Variants in NAB1 observed in about 807,000 individuals in gnomAD.
The protein encoded by NAB1 is NGFI-A binding protein 1.
NAB1 carries 25 observed loss-of-function variants against 49.9 expected under a neutral mutation model. That is an observed-to-expected ratio of 0.50 (90% confidence interval 0.37 to 0.70). NAB1 has a LOEUF of 0.70. Among genes scored for constraint, NAB1 ranks in the 30% least tolerant of loss-of-function variants. The pLI is 0.00. For synonymous variants in NAB1, 198 were observed against 215.6 expected, an observed-to-expected ratio of 0.92 and a Z score of 0.71; for missense variants, 489 against 575.9, an observed-to-expected ratio of 0.85 and a Z score of 1.54.
rs1388769820 is a variant in NAB1 at position 190,657,857 on chromosome 2, A to G, written c.-19-1301A>G. The stretch of plus-strand genomic sequence containing the variant: ...CAGTTAACTATTGCTGCATACTGTC[A>G]GAGTTGAGAGTGGGTCTTCCATTTT... On this transcript the variant is annotated intron_variant, in intron 3 of 9. Transcript: ENST00000337386. The surrounding 1 kb of genome is among the most constrained non-coding windows in gnomAD (Gnocchi z 4.4). Among the ~76,000 whole-genome samples, 4 of 152,234 alleles carry G rather than the reference A, an allele frequency of 2.6e-5. No homozygotes were observed. Among genetic ancestry groups the G allele is most frequent in the Non-Finnish European group, 4.4e-5 (3 of 68,038 alleles).
Position 190,651,269 on chromosome 2 carries a change from CAGTTG to C in NAB1, c.-197+1291_-197+1295del, listed in dbSNP as rs775873932. Among the ~76,000 whole-genome samples the C allele has an allele frequency of 2.1e-5, 3 of 140,392 alleles. No homozygotes were observed. Among genetic ancestry groups the C allele is most frequent in the Non-Finnish European group, 4.9e-5 (3 of 60,704 alleles). 92.1% of individuals were successfully genotyped at this position (140,392 alleles called of 152,430 possible). ...TATCTCATCTTATTTCAAAATTATT[CAGTTG>C]AGTAATCTCTTTTTTGTAAGTGGCA... is the stretch of plus-strand genomic sequence containing the variant. On this transcript the variant is annotated intron_variant, in intron 2 of 9. Transcript: ENST00000337386. The surrounding 1 kb of genome is among the most constrained non-coding windows in gnomAD (Gnocchi z 4.3).
rs1158705407 is a variant in NAB1, at chr2:190,690,378, G to A, written c.*45G>A. On this transcript the variant is annotated 3_prime_UTR_variant, in exon 10 of 10. Coordinates refer to ENST00000337386, the MANE Select transcript of NAB1 (RefSeq NM_005966.4). ...TCTCTGGAAATGGCATCAGATTTAA[G>A]GATAATACTCCATCATAGAAATAAG... 4 of 1,370,352 alleles carry A rather than the reference G, an allele frequency of 2.9e-6. No homozygotes were observed. The South Asian group carries it at 4.7e-5, about 16-fold the overall frequency. The allele number at this position is 1,370,352 out of a possible 1,614,324, so 84.9% of individuals were successfully genotyped here.
rs1185909993 is a variant in NAB1 at position 190,651,947 on chromosome 2, T to C, written c.-197+1965T>C. On this transcript the variant is annotated intron_variant, in intron 2 of 9. Transcript: ENST00000337386. The surrounding 1 kb of genome is among the most constrained non-coding windows in gnomAD (Gnocchi z 4.3). ...CATAATAGAAGATTGCTAGACCCTT[T>C]GCTTTGGATTTATTTTTATCTTACC... is the stretch of plus-strand genomic sequence containing the variant. 6.6e-6 allele frequency among the ~76,000 whole-genome samples: 1 copy of C among 152,238 alleles called. No individual in the cohort carries two copies. Among genetic ancestry groups the C allele is most frequent in the Non-Finnish European group, 1.5e-5 (1 of 68,040 alleles).
chr2:190,661,782 T>C (rs1469010007), intron 4 of NAB1, among the ~76,000 whole-genome samples: 1 of 152,190 alleles, frequency 6.6e-6, no homozygotes, highest in African/African-American at 2.4e-5. Context: ...GCTTGTGTTT[T>C]TGAAACTTAA....
chr2:190,689,121 C>G lies in NAB1; in HGVS notation c.1376-1124C>G, dbSNP rs760966399. 2.0e-5 allele frequency among the ~76,000 whole-genome samples: 3 copies of G among 152,208 alleles called. No homozygotes were observed. The highest frequency in any genetic ancestry group is 4.4e-5 in the Non-Finnish European group (3 of 68,016). On this transcript the variant is annotated intron_variant, in intron 9 of 9. Coordinates refer to ENST00000337386, the MANE Select transcript of NAB1 (RefSeq NM_005966.4). The surrounding 1 kb of genome is among the most constrained non-coding windows in gnomAD (Gnocchi z 4.3). Reference sequence around the variant, plus strand: ...GATTACAGGTGTGAGCCACTGTGCCCGGCCACCTTATTCTTTATTTTTAAC... The same window carrying G: ...GATTACAGGTGTGAGCCACTGTGCCGGGCCACCTTATTCTTTATTTTTAAC...
At chr2:190,681,503 A>G (rs1295370622) in intron 6 of NAB1, among the ~76,000 whole-genome samples, 1 of 152,186 alleles carries the variant, frequency 6.6e-6, no homozygotes, top group East Asian at 1.9e-4. Flanking sequence ...GTATACACTT[A>G]TATGAAGTTC....
At chr2:190,661,634 A>G (rs999488662) in intron 4 of NAB1, among the ~76,000 whole-genome samples, 13 of 152,344 alleles carry the variant, frequency 8.5e-5, no homozygotes, top group African/African-American at 3.1e-4. Flanking sequence ...AGCTTTTGCT[A>G]AGGGGCTCTT....
At chr2:190,655,747 G>A (rs997241611) in intron 2 of NAB1, among the ~76,000 whole-genome samples, 21 of 152,172 alleles carry the variant, frequency 1.4e-4, no homozygotes, top group Non-Finnish European at 1.9e-4. Context: ...AGCGAAACAG[G>A]AGTTGACCGG....
At chr2:190,655,082 G>A (rs1693849877) in intron 2 of NAB1, among the ~76,000 whole-genome samples, 1 of 152,126 alleles carries the variant, frequency 6.6e-6, no homozygotes, top group Admixed American at 6.5e-5. Context: ...TCAGGTGTGA[G>A]GATAGCTTTT....
At chr2:190,662,346 A>T (rs947995538) in intron 4 of NAB1, among the ~76,000 whole-genome samples, 3 of 151,816 alleles carry the variant, frequency 2.0e-5, no homozygotes, top group Admixed American at 2.0e-4. Context: ...TTCCAAATGT[A>T]CACCGTAAAG....
chr2:190,655,784 T>A (rs549604389), intron 2 of NAB1, among the ~76,000 whole-genome samples, 193 bp from the exon 3 acceptor site: 75 of 152,344 alleles, frequency 4.9e-4, no homozygotes, highest in Non-Finnish European at 8.7e-4. Context: ...ACTAGCTCCC[T>A]GCTTCACTTA....
Position 190,670,246 on chromosome 2 carries a change from C to A in NAB1, c.820-80C>A. On this transcript the variant is annotated intron_variant, in intron 4 of 9. Transcript: ENST00000337386. The surrounding 1 kb of genome is among the most constrained non-coding windows in gnomAD (Gnocchi z 5.3). ...TTCCATTATATAATGGTGTAACATT[C>A]TTATATTTTAAGTGAAACCTTTTGC... The A allele has an allele frequency of 7.7e-7, 1 of 1,306,618 alleles. No individual in the cohort carries two copies. Among genetic ancestry groups the A allele is most frequent in the Non-Finnish European group, 1.1e-6 (1 of 941,956 alleles). The allele number at this position is 1,306,618 out of a possible 1,614,324, so 80.9% of individuals were successfully genotyped here.
intron 9 of NAB1, 82 bp from the exon 10 acceptor site, chr2:190,690,163 G>A (rs1191892979): frequency 2.1e-6 from 2 of 966,208 alleles, no homozygotes; most frequent in African/African-American, 3.3e-5. Flanking sequence ...TATGGAGTTT[G>A]GGGGTTTGTT....
rs1367363674 is a variant in NAB1, at chr2:190,676,735, C to A, written c.1005+3583C>A. On this transcript the variant is annotated intron_variant, in intron 6 of 9. Transcript: ENST00000337386. The surrounding 1 kb of genome is among the most constrained non-coding windows in gnomAD (Gnocchi z 4.6). The stretch of plus-strand genomic sequence containing the variant: ...ACGTACAAATAAACTTAAGCTTAGC[C>A]CATTTTATAGTGTAACAGATTTCTA... Among the ~76,000 whole-genome samples the A allele has an allele frequency of 6.6e-6, 1 of 152,094 alleles. No individual in the cohort carries two copies.
rs1229730196 is a variant in NAB1, at chr2:190,659,800, C to A, written c.624C>A (p.Pro208=). The change falls in exon 4 of 10, where the codon CCC becomes CCA. Residue 208 remains proline, a synonymous_variant. Transcript: ENST00000337386. This position sits in a 1 kb window ranked among gnomAD's most constrained non-coding sequence, Gnocchi z 6.2. ...SVAECVERMA[P]TLPKSDLNEV... ...CTGAGTGTGTGGAGCGGATGGCCCC[C>A]ACACTGCCAAAAAGTGACTTGAATG... is the stretch of plus-strand genomic sequence containing the variant. 1.9e-6 allele frequency: 3 copies of A among 1,614,076 alleles called. No individual in the cohort carries two copies. Among genetic ancestry groups the A allele is most frequent in the Non-Finnish European group, 2.5e-6 (3 of 1,180,028 alleles).
chr2:190,674,395 G>T lies in NAB1; in HGVS notation c.1005+1243G>T, dbSNP rs1036187978. Among the ~76,000 whole-genome samples the T allele has an allele frequency of 6.6e-6, 1 of 152,146 alleles. No homozygotes were observed. Among genetic ancestry groups the T allele is most frequent in the Non-Finnish European group, 1.5e-5 (1 of 68,028 alleles). The stretch of plus-strand genomic sequence containing the variant: ...CTTTAGATGGCTTCAAGTCACAGCC[G>T]AGTTTCCCCTGACTTCCCTGCCTCC... On this transcript the variant is annotated intron_variant, in intron 6 of 9. Transcript: ENST00000337386. This position sits in a 1 kb window ranked among gnomAD's most constrained non-coding sequence, Gnocchi z 5.7.
Position 190,651,308 on chromosome 2 carries a change from C to T in NAB1, c.-197+1326C>T, listed in dbSNP as rs957055542. Among the ~76,000 whole-genome samples the T allele has an allele frequency of 6.6e-6, 1 of 152,116 alleles. No individual in the cohort carries two copies. The highest frequency in any genetic ancestry group is 1.5e-5 in the Non-Finnish European group (1 of 68,016). On this transcript the variant is annotated intron_variant, in intron 2 of 9. Coordinates refer to ENST00000337386, the MANE Select transcript of NAB1 (RefSeq NM_005966.4). The surrounding 1 kb of genome is among the most constrained non-coding windows in gnomAD (Gnocchi z 4.3). ...CTTTTTTGTAAGTGGCAAATAACATCCACTGTCGTATGAGAAAGTTAATAG... is the reference window on the plus strand; with the variant it reads ...CTTTTTTGTAAGTGGCAAATAACATTCACTGTCGTATGAGAAAGTTAATAG...
rs562197899 is a variant in NAB1, at chr2:190,651,311, C to T, written c.-197+1329C>T. ...TTTTGTAAGTGGCAAATAACATCCA[C>T]TGTCGTATGAGAAAGTTAATAGATG... On this transcript the variant is annotated intron_variant, in intron 2 of 9. Coordinates refer to ENST00000337386, the MANE Select transcript of NAB1 (RefSeq NM_005966.4). This position sits in a 1 kb window ranked among gnomAD's most constrained non-coding sequence, Gnocchi z 4.3. 3.3e-5 allele frequency among the ~76,000 whole-genome samples: 5 copies of T among 152,312 alleles called. No individual in the cohort carries two copies. The highest frequency in any genetic ancestry group is 1.2e-4 in the African/African-American group (5 of 41,564).
Position 190,669,840 on chromosome 2 carries a change from C to T in NAB1, c.820-486C>T, listed in dbSNP as rs1694713721. ...AATATAGCCCTAGTATATGATAACT[C>T]TGTTTTTTACTAAGTGATTTGATAA... On this transcript the variant is annotated intron_variant, in intron 4 of 9. Transcript: ENST00000337386. This position sits in a 1 kb window ranked among gnomAD's most constrained non-coding sequence, Gnocchi z 4.3. Among the ~76,000 whole-genome samples the T allele has an allele frequency of 6.6e-6, 1 of 152,076 alleles. No homozygotes were observed.
Sources: gnomAD v4.1 joint callset for allele counts (sites outside exome capture counted in the v4.1 genomes callset) on GRCh38, gnomAD v4.1.1 for gene constraint, Gnocchi (gnomAD v3.1) non-coding constraint, MANE v1.5 for transcripts, NCBI Gene and HGNC (gene_info 2026-07-23, HGNC 2026-07-21) for gene names.